The following CFAP263 variants were observed in gnomAD, a reference collection of about 807,000 sequenced individuals.
The protein encoded by CFAP263 is cilia- and flagella-associated protein 263.
the CFAP263 span, among the ~76,000 whole-genome samples, chr16:58,251,293 C>T: frequency 1.3e-5 from 2 of 152,310 alleles, no homozygotes; most frequent in Non-Finnish European, 1.5e-5. Flanking sequence ...GGTGTGACTC[C>T]ACAGACTACA....
chr16:58,262,500 T>A, the CFAP263 span: 5 of 1,610,846 alleles, frequency 3.1e-6, no homozygotes, highest in Non-Finnish European at 4.2e-6. Context: ...CAGCTAAAGC[T>A]GTCATCTGGA....
the CFAP263 span, chr16:58,252,636 C>T: frequency 8.2e-5 from 91 of 1,113,604 alleles, 1 homozygote; most frequent in Middle Eastern, 4.5e-4. Context: ...AAGGGGCTAA[C>T]GGGTTTTGCA....
chr16:58,256,208 C>G, the CFAP263 span, among the ~76,000 whole-genome samples: 1 of 152,228 alleles, frequency 6.6e-6, no homozygotes, highest in African/African-American at 2.4e-5. Flanking sequence ...TCTCCCACCC[C>G]TCCTCTCTCT....
At chr16:58,250,437 C>A in the CFAP263 span, 1 of 238,794 alleles carries the variant, frequency 4.2e-6, no homozygotes, top group Non-Finnish European at 8.2e-6. Flanking sequence ...GCAATTTGGA[C>A]CAGGTGACTT....
the CFAP263 span, among the ~76,000 whole-genome samples, chr16:58,255,065 G>A: frequency 6.6e-6 from 1 of 152,148 alleles, no homozygotes; most frequent in Non-Finnish European, 1.5e-5. Context: ...GCAATCGATC[G>A]GCTGTCTGCA....
chr16:58,267,518 G>C, the CFAP263 span: 1 of 1,613,798 alleles, frequency 6.2e-7, no homozygotes, highest in Non-Finnish European at 8.5e-7. Context: ...CCTCAATCTG[G>C]ACAAGGAGAT....
chr16:58,269,427 G>T, the CFAP263 span, among the ~76,000 whole-genome samples: 7 of 151,162 alleles, frequency 4.6e-5, no homozygotes, highest in African/African-American at 1.7e-4. Flanking sequence ...AGGGAGGAAA[G>T]AAAGGAAAGA....
chr16:58,256,340 G>A, the CFAP263 span, among the ~76,000 whole-genome samples: 4 of 152,158 alleles, frequency 2.6e-5, no homozygotes, highest in Admixed American at 1.3e-4. Context: ...GATCAGTATG[G>A]GCTAGAGTGG....
chr16:58,257,263 C>T, the CFAP263 span, among the ~76,000 whole-genome samples: 9 of 111,446 alleles, frequency 8.1e-5, no homozygotes, highest in African/African-American at 2.7e-5. Context: ...GTGATCCGCC[C>T]GCCTCGGCCT....
the CFAP263 span, among the ~76,000 whole-genome samples, chr16:58,268,777 T>G: frequency 6.6e-6 from 1 of 152,232 alleles, no homozygotes; most frequent in South Asian, 2.1e-4. Flanking sequence ...ATTTTTTCCT[T>G]GTGTTGATAG....
At chr16:58,254,847 C>T in the CFAP263 span, among the ~76,000 whole-genome samples, 7 of 152,030 alleles carry the variant, frequency 4.6e-5, no homozygotes, top group South Asian at 1.2e-3. Context: ...CCTCATGATC[C>T]GCCTGCCTCG....
the CFAP263 span, among the ~76,000 whole-genome samples, chr16:58,261,187 C>T: frequency 6.6e-6 from 1 of 152,130 alleles, no homozygotes; most frequent in African/African-American, 2.4e-5. Flanking sequence ...GAGAGAGGGT[C>T]CAGGAGGGCC....
chr16:58,278,476 A>G, the CFAP263 span: 10 of 1,613,574 alleles, frequency 6.2e-6, no homozygotes, highest in Non-Finnish European at 7.6e-6. Flanking sequence ...GTCCTTCCCA[A>G]CCCAGGACCG....
At chr16:58,265,509 T>G in the CFAP263 span, among the ~76,000 whole-genome samples, 1 of 152,160 alleles carries the variant, frequency 6.6e-6, no homozygotes, top group African/African-American at 2.4e-5. Flanking sequence ...ACAAGGGCCT[T>G]GGTCCTACAG....
At chr16:58,262,292 C>A in the CFAP263 span, 1 of 1,218,062 alleles carries the variant, frequency 8.2e-7, no homozygotes, top group Non-Finnish European at 1.2e-6. Context: ...GATGACTGAC[C>A]TCCAAAGTCT....
chr16:58,265,870 C>T, the CFAP263 span, among the ~76,000 whole-genome samples: 903 of 152,296 alleles, frequency 5.9e-3, 13 homozygotes, highest in East Asian at 0.056. Context: ...GTGATGGCCT[C>T]GCTGCTGCTC....
chr16:58,269,239 G>A, the CFAP263 span, among the ~76,000 whole-genome samples: 1 of 152,302 alleles, frequency 6.6e-6, no homozygotes, highest in East Asian at 1.9e-4. Context: ...GCTGAGGGAG[G>A]AGAATTGCTT....
the CFAP263 span, among the ~76,000 whole-genome samples, chr16:58,266,253 T>C: frequency 6.6e-6 from 1 of 151,346 alleles, no homozygotes; most frequent in Non-Finnish European, 1.5e-5. Context: ...GCCCTGCTGC[T>C]CTCTACCCAC....
At chr16:58,258,518 C>T in the CFAP263 span, 37 of 1,613,168 alleles carry the variant, frequency 2.3e-5, no homozygotes, top group South Asian at 1.6e-4. Flanking sequence ...CATGAACCGC[C>T]GGAGGGTAAG....
Sources: gnomAD v4.1 joint callset for allele counts (sites outside exome capture counted in the v4.1 genomes callset) on GRCh38, gnomAD v4.1.1 for gene constraint, MANE v1.5 for transcripts, NCBI Gene and HGNC (gene_info 2026-07-23, HGNC 2026-07-21) for gene names.